CAMTA1: variants seen among roughly 807,000 people sequenced by gnomAD.
The protein encoded by CAMTA1 is calmodulin-binding transcription activator 1.
Under a neutral mutation model 170.9 loss-of-function variants are expected in CAMTA1, and 27 were observed. That is an observed-to-expected ratio of 0.16 (90% CI 0.12 to 0.22). The LOEUF is 0.22. CAMTA1 is among the 10% of genes least tolerant of loss of function. The pLI is 1.00. For missense variants in CAMTA1, 1,619 were observed against 2,217.2 expected (o/e 0.73, Z 5.42); for synonymous variants, 833 against 891.5 (o/e 0.93, Z 1.17).
intron 6 of CAMTA1, among the ~76,000 whole-genome samples, chr1:7,485,020 A>T (rs2093599235): frequency 1.3e-5 from 2 of 152,120 alleles, no homozygotes; most frequent in Non-Finnish European, 2.9e-5. Context: ...ACCATGGGCC[A>T]TGCCTGCCCT....
intron 5 of CAMTA1, among the ~76,000 whole-genome samples, chr1:7,387,205 TG>T (rs1344402446): frequency 1.3e-5 from 2 of 152,174 alleles, no homozygotes; most frequent in East Asian, 3.9e-4. Context: ...TGTATGCTGT[TG>T]ACCCCTCTCA....
At chr1:7,558,295 T>G (rs1267593944) in intron 6 of CAMTA1, among the ~76,000 whole-genome samples, 1 of 152,136 alleles carries the variant, frequency 6.6e-6, no homozygotes, top group Admixed American at 6.5e-5. Flanking sequence ...AATACCAACA[T>G]GCTGCGGCGT....
At chr1:6,831,638 C>T (rs2148587493) in intron 3 of CAMTA1, among the ~76,000 whole-genome samples, 1 of 152,316 alleles carries the variant, frequency 6.6e-6, no homozygotes, top group African/African-American at 2.4e-5. Flanking sequence ...TAAATATGTT[C>T]AAATCACTTT....
At chr1:7,424,152 T>G (rs899206712) in intron 5 of CAMTA1, among the ~76,000 whole-genome samples, 3 of 152,168 alleles carry the variant, frequency 2.0e-5, no homozygotes, top group African/African-American at 7.2e-5. Context: ...CTCGGGCATC[T>G]CTTTCCTACC....
intron 4 of CAMTA1, among the ~76,000 whole-genome samples, chr1:7,217,338 G>C (rs1659930659): frequency 6.6e-6 from 1 of 152,198 alleles, no homozygotes; most frequent in African/African-American, 2.4e-5. Flanking sequence ...TGAGCCAGTT[G>C]AACCTCTTTC....
At chr1:7,148,519 C>A (rs1321282190) in intron 4 of CAMTA1, among the ~76,000 whole-genome samples, 1 of 152,168 alleles carries the variant, frequency 6.6e-6, no homozygotes, top group African/African-American at 2.4e-5. Flanking sequence ...GAATCCCCAT[C>A]CTGCTGACTT....
chr1:7,173,697 AT>A lies in CAMTA1; in HGVS notation c.303-75783del, dbSNP rs5772268. ...GCCACCGTGCCCAGCCCAGAGCTTA[AT>A]TTTTTTTTTTAATTATTTCTTTCTA... On this transcript the variant is annotated intron_variant, in intron 4 of 22. Coordinates refer to ENST00000303635, the MANE Select transcript of CAMTA1 (RefSeq NM_015215.4). This position sits in a 1 kb window ranked among gnomAD's most constrained non-coding sequence, Gnocchi z 5.4. 2.1e-3 allele frequency among the ~76,000 whole-genome samples: 313 copies of A among 149,304 alleles called. 2 individuals are homozygous for A. Among genetic ancestry groups the A allele is most frequent in the African/African-American group, 3.1e-3 (124 of 40,606 alleles).
chr1:7,012,197 G>A (rs545774390), intron 3 of CAMTA1, among the ~76,000 whole-genome samples: 7 of 152,210 alleles, frequency 4.6e-5, no homozygotes, highest in African/African-American at 7.2e-5. Flanking sequence ...GGTGGTCCCC[G>A]TCCACGCTTC....
At chr1:6,927,001 G>A (rs995738829) in intron 3 of CAMTA1, among the ~76,000 whole-genome samples, 1 of 151,800 alleles carries the variant, frequency 6.6e-6, no homozygotes, top group Non-Finnish European at 1.5e-5. Flanking sequence ...AAAGTGCTAG[G>A]TCTCCCAAAG....
At position 7,248,057 on chromosome 1, in the gene CAMTA1, C is replaced by T. The variant is rs180771276; in HGVS notation, c.303-1434C>T. On this transcript the variant is annotated intron_variant, in intron 4 of 22. Coordinates refer to ENST00000303635, the MANE Select transcript of CAMTA1 (RefSeq NM_015215.4). The surrounding 1 kb of genome is among the most constrained non-coding windows in gnomAD (Gnocchi z 4.0). ...GCTGTTGAAAGTCTGTAATTTCCAG[C>T]GGAATTGCTGTTTAGTCATCATATT... Among the ~76,000 whole-genome samples, 3 of 152,258 alleles carry T rather than the reference C, an allele frequency of 2.0e-5. No individual in the cohort carries two copies. Among genetic ancestry groups the T allele is most frequent in the East Asian group, 1.9e-4 (1 of 5,184 alleles).
intron 3 of CAMTA1, among the ~76,000 whole-genome samples, chr1:7,018,735 G>C (rs1016879281): frequency 1.3e-5 from 2 of 152,158 alleles, no homozygotes; most frequent in African/African-American, 4.8e-5. Flanking sequence ...TATGCTCGGG[G>C]AGTCTATTTC....
At chr1:6,930,990 C>T (rs764614404) in intron 3 of CAMTA1, among the ~76,000 whole-genome samples, 4 of 152,246 alleles carry the variant, frequency 2.6e-5, no homozygotes, top group Non-Finnish European at 5.9e-5. Flanking sequence ...TCTAAAGCCA[C>T]GGCTTTGATT....
At chr1:7,737,076 C>T in intron 14 of CAMTA1, 67 bp downstream of exon 14, 2 of 1,403,406 alleles carry the variant, frequency 1.4e-6, no homozygotes, top group Non-Finnish European at 2.0e-6. Flanking sequence ...TTGCCTGGTT[C>T]CCACCGTTGT....
At position 7,579,552 on chromosome 1, in the gene CAMTA1, C is replaced by CTTTTTTTTTTTTTTTTTTTTTTTTTTT. The variant is rs3034816; in HGVS notation, c.511-60823_511-60822insTTTTTTTTTTTTTTTTTTTTTTTTTTT. 4.7e-4 allele frequency among the ~76,000 whole-genome samples: 37 copies of CTTTTTTTTTTTTTTTTTTTTTTTTTTT among 79,200 alleles called. 3 individuals are homozygous for CTTTTTTTTTTTTTTTTTTTTTTTTTTT. The highest frequency in any genetic ancestry group is 8.2e-4 in the African/African-American group (14 of 16,970). 52.0% of individuals were successfully genotyped at this position (79,200 alleles called of 152,430 possible). A position where few individuals can be genotyped will look rare whatever the true frequency, so the allele number is the denominator to read the frequency against. On this transcript the variant is annotated intron_variant, in intron 6 of 22. Coordinates refer to ENST00000303635, the MANE Select transcript of CAMTA1 (RefSeq NM_015215.4). Reference sequence around the variant, plus strand: ...GGTCCACTTTCTTTTCTTTTCTTTTCTTTTTTTTTTTTTTTTTTTTTTTTT... The same window carrying CTTTTTTTTTTTTTTTTTTTTTTTTTTT: ...GGTCCACTTTCTTTTCTTTTCTTTTCTTTTTTTTTTTTTTTTTTTTTTTTTTTTTTTTTTTTTTTTTTTTTTTTTTTT...
At chr1:7,222,724 C>A (rs58289154) in intron 4 of CAMTA1, among the ~76,000 whole-genome samples, 2 of 152,238 alleles carry the variant, frequency 1.3e-5, no homozygotes, top group South Asian at 4.1e-4. Flanking sequence ...ACGGTCCCAC[C>A]TGATGGCAAT....
chr1:7,321,632 C>T (rs1396262943), intron 5 of CAMTA1, among the ~76,000 whole-genome samples: 3 of 152,200 alleles, frequency 2.0e-5, no homozygotes, highest in Non-Finnish European at 4.4e-5. Context: ...GCTTTTCTGA[C>T]ATTTCAGCAT....
intron 5 of CAMTA1, among the ~76,000 whole-genome samples, chr1:7,301,776 G>A (rs369627902): frequency 3.3e-5 from 5 of 152,290 alleles, no homozygotes; most frequent in African/African-American, 7.2e-5. Context: ...CCCACTTCTC[G>A]AGGGCAGCCT....
At chr1:7,025,673 A>G (rs1701925774) in intron 3 of CAMTA1, among the ~76,000 whole-genome samples, 2 of 152,154 alleles carry the variant, frequency 1.3e-5, no homozygotes, top group Admixed American at 1.3e-4. Context: ...ATTTCAATGA[A>G]CTAGACTGGC....
chr1:7,723,531 C>T (rs1295373134), intron 11 of CAMTA1, among the ~76,000 whole-genome samples: 1 of 152,048 alleles, frequency 6.6e-6, no homozygotes, highest in Non-Finnish European at 1.5e-5. Context: ...ACTTAGTTAC[C>T]CTCTTGTTGT....
Sources: gnomAD v4.1 joint callset for allele counts (sites outside exome capture counted in the v4.1 genomes callset) on GRCh38, gnomAD v4.1.1 for gene constraint, Gnocchi (gnomAD v3.1) non-coding constraint, MANE v1.5 for transcripts, NCBI Gene and HGNC (gene_info 2026-07-23, HGNC 2026-07-21) for gene names.